Variants in PTPRQ observed in about 807,000 individuals in gnomAD.
The protein encoded by PTPRQ is protein tyrosine phosphatase receptor type Q, also known as phosphatidylinositol phosphatase PTPRQ.
In PTPRQ, 199 loss-of-function variants were observed where a neutral mutation model predicts 246.0. That is an observed-to-expected ratio of 0.81 (90% CI 0.72 to 0.91). The LOEUF (loss-of-function observed/expected upper bound fraction) is 0.91, where lower values mean the gene tolerates loss of function less well. PTPRQ is among the 40% of genes least tolerant of loss of function. The probability of loss-of-function intolerance (pLI) is 0.00; values close to 1 mark genes in which losing one functional copy is unlikely to be tolerated. For missense variants in PTPRQ, 2,624 were observed against 2,528.4 expected, an observed-to-expected ratio of 1.04 and a Z score of -0.81; for synonymous variants, 869 against 853.2, an observed-to-expected ratio of 1.02 and a Z score of -0.32.
chr12:80,513,108 G>C (rs1289972791), intron 17 of PTPRQ, among the ~76,000 whole-genome samples: 1 of 152,110 alleles, frequency 6.6e-6, no homozygotes, highest in Non-Finnish European at 1.5e-5. Flanking sequence ...GGGGGCTTGT[G>C]TTAGCTCAGT....
At chr12:80,512,915 G>T (rs1203405675) in intron 17 of PTPRQ, 1 of 152,074 alleles carries the variant, frequency 6.6e-6, no homozygotes, top group Non-Finnish European at 1.5e-5. Context: ...TCCTGCTCTC[G>T]GGGCGTGCGA....
intron 33 of PTPRQ, among the ~76,000 whole-genome samples, chr12:80,627,335 A>G (rs544609326): frequency 7.0e-6 from 1 of 143,454 alleles, no homozygotes; most frequent in Non-Finnish European, 1.5e-5. Flanking sequence ...TGTTATAAGA[A>G]CTCAATTTTT....
intron 38 of PTPRQ, among the ~76,000 whole-genome samples, chr12:80,654,581 C>T (rs904095497): frequency 1.3e-5 from 2 of 151,886 alleles, no homozygotes; most frequent in African/African-American, 2.4e-5. Context: ...GGCGCGGTGG[C>T]TCACGCCTGT....
At chr12:80,518,698 T>C (rs1482724492) in intron 17 of PTPRQ, among the ~76,000 whole-genome samples, 1 of 152,210 alleles carries the variant, frequency 6.6e-6, no homozygotes, top group African/African-American at 2.4e-5. Context: ...TGCATATGGA[T>C]ATCCAGTTTT....
Position 80,510,096 on chromosome 12 carries a change from A to AT in PTPRQ, c.2558-226dup, listed in dbSNP as rs527761264. ...ACCCCTTGTTCTTCTTTCTCATGAA[A>AT]TATTTTTTTCCATTGAATCACAGAA... On this transcript the variant is annotated intron_variant, in intron 16 of 44. Transcript: ENST00000644991. Among the ~76,000 whole-genome samples the AT allele has an allele frequency of 5.3e-3, 806 of 152,198 alleles. 6 individuals are homozygous for AT. The highest frequency in any genetic ancestry group is 0.018 in the African/African-American group (767 of 41,542).
intron 17 of PTPRQ, among the ~76,000 whole-genome samples, chr12:80,514,289 G>T (rs1895213088): frequency 6.6e-6 from 1 of 151,056 alleles, no homozygotes; most frequent in South Asian, 2.1e-4. Flanking sequence ...AAAACTCTGT[G>T]GTCGCAAATA....
chr12:80,556,071 A>G (rs906143267), intron 25 of PTPRQ, among the ~76,000 whole-genome samples: 2 of 152,070 alleles, frequency 1.3e-5, no homozygotes, highest in Non-Finnish European at 2.9e-5. Flanking sequence ...TCTGTTGTCC[A>G]GGTTGGAGTG....
At chr12:80,478,933 C>A (rs1046473251) in intron 8 of PTPRQ, among the ~76,000 whole-genome samples, 85 of 152,204 alleles carry the variant, frequency 5.6e-4, no homozygotes, top group Admixed American at 2.5e-3. Flanking sequence ...GAGAATGCAA[C>A]CAAGTTGGAA....
At chr12:80,466,240 T>G (rs1013802202) in intron 6 of PTPRQ, among the ~76,000 whole-genome samples, 4 of 152,102 alleles carry the variant, frequency 2.6e-5, no homozygotes, top group African/African-American at 9.7e-5. Context: ...AAATCATGAG[T>G]GAACTCCCAT....
At chr12:80,504,237 C>T (rs1259936490) in intron 14 of PTPRQ, among the ~76,000 whole-genome samples, 2 of 151,806 alleles carry the variant, frequency 1.3e-5, no homozygotes, top group African/African-American at 4.8e-5. Flanking sequence ...TTCTTCAATA[C>T]TATCATCCTT....
intron 29 of PTPRQ, among the ~76,000 whole-genome samples, chr12:80,614,494 C>T (rs1480184781): frequency 6.6e-6 from 1 of 150,690 alleles, no homozygotes; most frequent in African/African-American, 2.4e-5. Context: ...ATCTGCCTAC[C>T]AACTCTTGAT....
intron 31 of PTPRQ, 133 bp downstream of exon 31, chr12:80,619,675 A>G (rs944891369): frequency 7.2e-6 from 4 of 555,884 alleles, no homozygotes; most frequent in Non-Finnish European, 5.4e-6. Flanking sequence ...TGTCAATATT[A>G]TTATTAATGA....
chr12:80,549,540 A>G lies in PTPRQ; in HGVS notation c.4091A>G (p.Lys1364Arg). The G allele has an allele frequency of 6.4e-7, 1 of 1,551,202 alleles. No individual in the cohort carries two copies. The highest frequency in any genetic ancestry group is 8.7e-7 in the Non-Finnish European group (1 of 1,146,584). The change falls in exon 25 of 45, where the codon AAA becomes AGA. Residue 1364 changes from lysine (K) to arginine (R), a missense_variant. Coordinates refer to ENST00000644991, the MANE Select transcript of PTPRQ (RefSeq NM_001145026.2). ...GTTTTAGTGAAATGGGATCCACCCA[A>G]AAAGGCAAATGGAATAATAACGCAG... Reference protein sequence around the residue: ...QSVLVKWDPPKKANGIITQYM... With the variant: ...QSVLVKWDPPRKANGIITQYM...
chr12:80,483,663 T>A (rs1003488888), intron 8 of PTPRQ, among the ~76,000 whole-genome samples: 1 of 152,100 alleles, frequency 6.6e-6, no homozygotes, highest in African/African-American at 2.4e-5. Flanking sequence ...TATACATGTG[T>A]CATGGTGGTT....
In PTPRQ at chr12:80,558,111, T is replaced by TTTTC. The variant is rs1216060967; in HGVS notation, c.4285+8389_4285+8392dup. Among the ~76,000 whole-genome samples, 8 of 131,150 alleles carry TTTTC rather than the reference T, an allele frequency of 6.1e-5. No homozygotes were observed. The South Asian group carries it at 2.2e-3, about 36-fold the overall frequency. 86.0% of individuals were successfully genotyped at this position (131,150 alleles called of 152,430 possible). A position where few individuals can be genotyped will look rare whatever the true frequency, so the allele number is the denominator to read the frequency against. On this transcript the variant is annotated intron_variant, in intron 25 of 44. Coordinates refer to ENST00000644991, the MANE Select transcript of PTPRQ (RefSeq NM_001145026.2). ...CCCTCCCTCCCTCCTTTCTTCTTTC[T>TTTTC]TTTCTTTCTTTCTTTTCTTTTCTTT... is the stretch of plus-strand genomic sequence containing the variant.
intron 14 of PTPRQ, among the ~76,000 whole-genome samples, chr12:80,500,709 C>T (rs7973256): frequency 0.3 from 45,393 of 151,650 alleles, 8,094 homozygotes; most frequent in African/African-American, 0.5. Context: ...GATTCATTCA[C>T]TAAACAGCTT....
intron 25 of PTPRQ, among the ~76,000 whole-genome samples, chr12:80,586,211 C>A (rs985102058): frequency 6.6e-6 from 1 of 151,900 alleles, no homozygotes; most frequent in African/African-American, 2.4e-5. Context: ...AAAAAACAAA[C>A]AACCCCATCA....
intron 33 of PTPRQ, among the ~76,000 whole-genome samples, chr12:80,629,185 A>G (rs113806609): frequency 3.1e-4 from 46 of 147,598 alleles, no homozygotes; most frequent in African/African-American, 1.0e-3. Flanking sequence ...GAGAGAGAGA[A>G]AGAGAGAGAG....
chr12:80,467,535 C>G (rs571051875), intron 6 of PTPRQ, among the ~76,000 whole-genome samples: 1 of 152,282 alleles, frequency 6.6e-6, no homozygotes, highest in East Asian at 1.9e-4. Context: ...ATAAAACATG[C>G]TGCTATAAAG....
Sources: gnomAD v4.1 joint callset for allele counts (sites outside exome capture counted in the v4.1 genomes callset) on GRCh38, gnomAD v4.1.1 for gene constraint, MANE v1.5 for transcripts, NCBI Gene and HGNC (gene_info 2026-07-23, HGNC 2026-07-21) for gene names.